SALL2: variants seen among roughly 807,000 people sequenced by gnomAD.
SALL2 encodes the protein spalt like transcription factor 2, also known as sal-like protein 2.
SALL2 carries 32 observed loss-of-function variants against 58.5 expected under a neutral mutation model. The observed-to-expected ratio is 0.55, with a 90% CI of 0.41 to 0.74. The LOEUF is 0.74. SALL2 is among the 30% of genes least tolerant of loss of function. SALL2 has a pLI of 0.00. For synonymous variants in SALL2, 516 were observed against 513.6 expected, an observed-to-expected ratio of 1.00 and a Z score of -0.06; for missense variants, 1,201 against 1,268.9, an observed-to-expected ratio of 0.95 and a Z score of 0.81.
chr14:21,535,243 G>A (rs745822058), intron 1 of SALL2, among the ~76,000 whole-genome samples: 3 of 151,922 alleles, frequency 2.0e-5, no homozygotes, highest in Non-Finnish European at 2.9e-5. Flanking sequence ...TACTCGGGAG[G>A]CTGAGGCAGG....
upstream of SALL2, among the ~76,000 whole-genome samples, chr14:21,528,156 TA>T (rs1258940301): frequency 1.3e-5 from 2 of 151,532 alleles, no homozygotes; most frequent in Admixed American, 1.3e-4. Flanking sequence ...AAAAAAAGTC[TA>T]AAAAAATTAA....
chr14:21,527,545 C>T (rs1892354328), upstream of SALL2, among the ~76,000 whole-genome samples: 1 of 152,168 alleles, frequency 6.6e-6, no homozygotes, highest in Admixed American at 6.5e-5. Context: ...ATTCTTGCCT[C>T]ACTGATAAAA....
At chr14:21,526,014 T>TACCCCCCCC in intron 1 of SALL2, 47 bp downstream of exon 1, 1 of 1,041,066 alleles carries the variant, frequency 9.6e-7, no homozygotes, top group Non-Finnish European at 1.4e-6. Context: ...CCCCTGCGCA[T>TACCCCCCCC]CCCCCTCCGC....
Position 21,521,875 on chromosome 14 carries a change from A to C in SALL2, c.*829T>G. On this transcript the variant is annotated 3_prime_UTR_variant, in exon 2 of 2. Coordinates refer to ENST00000537235, the MANE Select transcript of SALL2 (RefSeq NM_001364564.1). ...TTTACCTTAATGTGACCATCAGGGGATTTACTGGGAAAATTTTCCTATGCC... is the reference window on the plus strand; with the variant it reads ...TTTACCTTAATGTGACCATCAGGGGCTTTACTGGGAAAATTTTCCTATGCC... 1 of 1,095,510 alleles carries C rather than the reference A, an allele frequency of 9.1e-7. No homozygotes were observed. The highest frequency in any genetic ancestry group is 1.3e-6 in the Non-Finnish European group (1 of 785,100). 67.9% of individuals were successfully genotyped at this position (1,095,510 alleles called of 1,614,324 possible). A position where few individuals can be genotyped will look rare whatever the true frequency, so the allele number is the denominator to read the frequency against.
Position 21,526,155 on chromosome 14 carries a change from G to C in SALL2, c.-28C>G, listed in dbSNP as rs768674450. On this transcript the variant is annotated 5_prime_UTR_variant, in exon 1 of 2. Coordinates refer to ENST00000537235, the MANE Select transcript of SALL2 (RefSeq NM_001364564.1). Reference sequence around the variant, plus strand: ...TTGTGGGGGAAGTGGAGGGCCAGGTGGGGTGGGAGACAATGGATATTGGGA... The same window carrying C: ...TTGTGGGGGAAGTGGAGGGCCAGGTCGGGTGGGAGACAATGGATATTGGGA... The C allele has an allele frequency of 1.2e-5, 19 of 1,538,632 alleles. No individual in the cohort carries two copies. The African/African-American group carries it at 1.9e-4, about 15-fold the overall frequency.
At chr14:21,536,845 C>A (rs1892609666) in intron 1 of SALL2, 2 of 1,614,014 alleles carry the variant, frequency 1.2e-6, no homozygotes, top group Non-Finnish European at 1.7e-6. Flanking sequence ...CCCCAGGCAC[C>A]CACCGTTCTC....
upstream of SALL2, among the ~76,000 whole-genome samples, chr14:21,527,654 T>C (rs376866881): frequency 1.3e-5 from 2 of 152,110 alleles, no homozygotes; most frequent in East Asian, 3.8e-4. Context: ...AAAAATATTG[T>C]GGGGACAAAA....
Position 21,525,013 on chromosome 14 carries a change from GT to G in SALL2, c.708del (p.Leu237TyrfsTer75). The G allele has an allele frequency of 6.2e-7, 1 of 1,613,896 alleles. No homozygotes were observed. The highest frequency in any genetic ancestry group is 8.5e-7 in the Non-Finnish European group (1 of 1,179,888). ...GGCTTGATGGGGCTGAAGAGGGGTA[GT>G]AGGGGCTTGGTGGAAGAGGCAGTCC... ...GTGTASSTKP[L>X]LPLFSPIKPV... On this transcript the variant is annotated frameshift_variant, in exon 2 of 2. Coordinates refer to ENST00000537235, the MANE Select transcript of SALL2 (RefSeq NM_001364564.1). LOFTEE classifies it high-confidence loss of function. This position sits in a 1 kb window ranked among gnomAD's most constrained non-coding sequence, Gnocchi z 4.4.
At position 21,524,899 on chromosome 14, in the gene SALL2, G is replaced by C. The variant is rs769661467; in HGVS notation, c.823C>G (p.Leu275Val). ...AETPKQAFFH[L>V]YHPLGSQHPF... ...TGCTGTGACCCCAGTGGGTGGTAAA[G>C]GTGGAAGAAGGCCTGCTTGGGCGTT... is the stretch of plus-strand genomic sequence containing the variant. Residue 275 changes from leucine to valine, a missense_variant, in exon 2 of 2, where the codon CTT becomes GTT. Leu to Val is a conservative substitution (Grantham distance 32, BLOSUM62 1). Around this residue, in one of 3 missense-constraint regions of SALL2, gnomAD observed 467 missense variants for 468.9 expected, o/e 1.00. Transcript: ENST00000537235. 1 of 1,614,230 alleles carries C rather than the reference G, an allele frequency of 6.2e-7. No individual in the cohort carries two copies. The highest frequency in any genetic ancestry group is 1.1e-5 in the South Asian group (1 of 91,088).
In SALL2 at chr14:21,523,771, G is replaced by A; in HGVS notation, c.1951C>T (p.His651Tyr). 2 of 1,614,210 alleles carry A rather than the reference G, an allele frequency of 1.2e-6. No homozygotes were observed. The highest frequency in any genetic ancestry group is 1.7e-6 in the Non-Finnish European group (2 of 1,180,046). Residue 651 changes from histidine (H) to tyrosine (Y), a missense_variant, in exon 2 of 2, where the codon CAT (histidine) becomes TAT (tyrosine). By Grantham distance (83) the His-to-Tyr change is moderately conservative (BLOSUM62 2). Around this residue, in one of 3 missense-constraint regions of SALL2, gnomAD observed 675 missense variants for 683.8 expected, o/e 0.99. Coordinates refer to ENST00000537235, the MANE Select transcript of SALL2 (RefSeq NM_001364564.1). The surrounding 1 kb of genome is among the most constrained non-coding windows in gnomAD (Gnocchi z 4.4). ...PRALRLHYGQ[H>Y]GGERPFKCKV... ...CATTTGAAGGGCCTCTCACCTCCAT[G>A]TTGGCCATAATGAAGGCGTAGGGCC...
chr14:21,526,359 T>C (rs547760639), upstream of SALL2: 91 of 1,312,520 alleles, frequency 6.9e-5, 1 homozygote, highest in African/African-American at 7.7e-4. Context: ...GAGGAGCTGA[T>C]GAGGAGGGGA....
At position 21,525,596 on chromosome 14, in the gene SALL2, A is replaced by T. The variant is rs780574830; in HGVS notation, c.126T>A (p.Thr42=). 6.2e-7 allele frequency: 1 copy of T among 1,610,982 alleles called. No individual in the cohort carries two copies. The highest frequency in any genetic ancestry group is 1.1e-5 in the South Asian group (1 of 90,430). ...QVCAKCCAQF[T]DPTEFLAHQN... Reference sequence around the variant, plus strand: ...GGTGGGCGAGGAATTCAGTTGGGTCAGTGAATTGTGCGCAGCACTTGGCAC... The same window carrying T: ...GGTGGGCGAGGAATTCAGTTGGGTCTGTGAATTGTGCGCAGCACTTGGCAC... Residue 42 remains threonine (T), a synonymous_variant, in exon 2 of 2, where the codon ACT becomes ACA. Coordinates refer to ENST00000537235, the MANE Select transcript of SALL2 (RefSeq NM_001364564.1). This position sits in a 1 kb window ranked among gnomAD's most constrained non-coding sequence, Gnocchi z 4.4.
chr14:21,525,252 G>A lies in SALL2; in HGVS notation c.470C>T (p.Ala157Val), dbSNP rs763609886. ...ATPLPPESTP[A>V]PPPPPPPPPP... Reference sequence around the variant, plus strand: ...AGGGGGTGGTGGAGGAGGAGGGGGTGCAGGGGTCGATTCTGGAGGTAATGG... The same window carrying A: ...AGGGGGTGGTGGAGGAGGAGGGGGTACAGGGGTCGATTCTGGAGGTAATGG... Residue 157 changes from alanine (A) to valine (V), a missense_variant, in exon 2 of 2, where the codon GCA (alanine) becomes GTA (valine). Ala to Val is a moderately conservative substitution (Grantham distance 64, BLOSUM62 0). Around this residue, in one of 3 missense-constraint regions of SALL2, gnomAD observed 467 missense variants for 468.9 expected, o/e 1.00. Coordinates refer to ENST00000537235, the MANE Select transcript of SALL2 (RefSeq NM_001364564.1). This position sits in a 1 kb window ranked among gnomAD's most constrained non-coding sequence, Gnocchi z 4.4. The A allele has an allele frequency of 1.1e-5, 17 of 1,611,874 alleles. No homozygotes were observed. The South Asian group carries it at 1.9e-4, about 18-fold the overall frequency.
In SALL2 at chr14:21,521,986, G is replaced by A; in HGVS notation, c.*718C>T. 2 of 1,541,994 alleles carry A rather than the reference G, an allele frequency of 1.3e-6. No homozygotes were observed. Among genetic ancestry groups the A allele is most frequent in the Non-Finnish European group, 1.7e-6 (2 of 1,146,448 alleles). On this transcript the variant is annotated 3_prime_UTR_variant, in exon 2 of 2. Transcript: ENST00000537235. ...ACCGGCACCTTCTGGAGCAGGGGGA[G>A]GAAGAAGGAATGTACAGTTTGCTAC...
rs1892244104 is a variant in SALL2, at chr14:21,525,269, A to C, written c.453T>G (p.Pro151=). 1 of 1,611,916 alleles carries C rather than the reference A, an allele frequency of 6.2e-7. No homozygotes were observed. The highest frequency in any genetic ancestry group is 2.2e-5 in the East Asian group (1 of 44,834). Residue 151 remains proline (P), a synonymous_variant, in exon 2 of 2, where the codon CCT becomes CCG. Transcript: ENST00000537235. The surrounding 1 kb of genome is among the most constrained non-coding windows in gnomAD (Gnocchi z 4.4). ...GAGGGGGTGCAGGGGTCGATTCTGG[A>C]GGTAATGGGGTTGCTCCCAGCTTGG... The part of the protein sequence containing the change: ...ASPKLGATPL[P]PESTPAPPPP...
exon 1 of SALL2, chr14:21,537,084 T>C (rs1350065856): frequency 9.9e-6 from 6 of 608,014 alleles, no homozygotes; most frequent in Admixed American, 2.9e-5. Flanking sequence ...ACACAGACTC[T>C]CTCTCTCTCT....
At position 21,523,597 on chromosome 14, in the gene SALL2, G is replaced by A. The variant is rs532455614; in HGVS notation, c.2125C>T (p.Arg709Trp). The A allele has an allele frequency of 1.2e-5, 20 of 1,614,222 alleles. No homozygotes were observed. Among genetic ancestry groups the A allele is most frequent in the East Asian group, 6.7e-5 (3 of 44,884 alleles). Residue 709 changes from arginine (R) to tryptophan (W), a missense_variant, in exon 2 of 2, where the codon CGG (arginine) becomes TGG (tryptophan). Physicochemically the swap from Arg to Trp is moderately radical, Grantham distance 101. Transcript: ENST00000537235. This position sits in a 1 kb window ranked among gnomAD's most constrained non-coding sequence, Gnocchi z 4.4. Reference sequence around the variant, plus strand: ...GGGATCTGGCCCCCCAGGTGCATCCGGACATGCTGCTGCAGAGTGACAGCA... The same window carrying A: ...GGGATCTGGCCCCCCAGGTGCATCCAGACATGCTGCTGCAGAGTGACAGCA... ...TNAVTLQQHV[R>W]MHLGGQIPNG...
In SALL2 at chr14:21,522,403, G is replaced by A. The variant is rs1124981; in HGVS notation, c.*301C>T. ...ACCTACCAAAGGGAAAGGGAGAGGA[G>A]AGAGGAGGGGGAAGAAGGGTCACAC... is the stretch of plus-strand genomic sequence containing the variant. On this transcript the variant is annotated 3_prime_UTR_variant, in exon 2 of 2. Transcript: ENST00000537235. The A allele has an allele frequency of 0.26, 366,537 of 1,419,474 alleles. 47,889 individuals carry two copies. Among genetic ancestry groups the A allele is most frequent in the African/African-American group, 0.34 (23,784 of 69,450 alleles). The allele number at this position is 1,419,474 out of a possible 1,614,324, so 87.9% of individuals were successfully genotyped here.
At chr14:21,534,789 A>G (rs552051456) in intron 1 of SALL2, among the ~76,000 whole-genome samples, 2 of 152,178 alleles carry the variant, frequency 1.3e-5, no homozygotes, top group Middle Eastern at 6.8e-3. Context: ...TAGCAGCATT[A>G]AGAAGGGCTA....
Sources: gnomAD v4.1 joint callset for allele counts (sites outside exome capture counted in the v4.1 genomes callset) on GRCh38, gnomAD v4.1.1 for gene constraint, gnomAD v4.1.1 regional missense constraint, Gnocchi (gnomAD v3.1) non-coding constraint, MANE v1.5 for transcripts, NCBI Gene and HGNC (gene_info 2026-07-23, HGNC 2026-07-21) for gene names.